DMD: variants seen among roughly 807,000 people sequenced by gnomAD.
DMD encodes the protein mutant dystrophin.
Under a neutral mutation model 330.1 loss-of-function variants are expected in DMD, and 63 were observed. The observed-to-expected ratio is 0.19, with a 90% CI of 0.16 to 0.24. The LOEUF (loss-of-function observed/expected upper bound fraction) is 0.24, where lower values mean the gene tolerates loss of function less well. DMD is among the 10% of genes least tolerant of loss of function. The probability of loss-of-function intolerance (pLI) is 1.00; values close to 1 mark genes in which losing one functional copy is unlikely to be tolerated. For missense variants in DMD, 3,344 were observed against 2,684.1 expected (o/e 1.25, Z -5.43); for synonymous variants, 1,223 against 959.8 (o/e 1.27, Z -5.07).
intron 7 of DMD, among the ~76,000 whole-genome samples, chrX:32,721,686 G>T (rs2066333215): frequency 9.0e-6 from 1 of 110,890 alleles, no homozygotes; most frequent in South Asian, 3.8e-4. Flanking sequence ...AAGCTTTTTA[G>T]ATTAATGTAG....
intron 55 of DMD, among the ~76,000 whole-genome samples, chrX:31,536,880 C>T (rs750117082): frequency 5.5e-4 from 61 of 111,628 alleles, no homozygotes; most frequent in African/African-American, 1.8e-3. Flanking sequence ...TTCTCATTGC[C>T]ATTTAAACAT....
At chrX:32,545,053 C>A in intron 17 of DMD, 106 bp downstream of exon 17, 1 of 775,833 alleles carries the variant, frequency 1.3e-6, no homozygotes, top group Non-Finnish European at 1.9e-6. Context: ...ATTACAGGTA[C>A]CCGAGGATTC....
At chrX:33,062,036 C>T (rs1368189273) in intron 1 of DMD, among the ~76,000 whole-genome samples, 1 of 112,285 alleles carries the variant, frequency 8.9e-6, no homozygotes, top group Non-Finnish European at 1.9e-5. Flanking sequence ...GATAGCAACT[C>T]TTCTCATAGA....
chrX:32,969,103 A>G, intron 2 of DMD, among the ~76,000 whole-genome samples: 1 of 105,511 alleles, frequency 9.5e-6, no homozygotes, highest in East Asian at 3.0e-4. Flanking sequence ...GGAATCATCA[A>G]CAAGATGAAC....
At chrX:31,474,756 A>AT (rs1459173599) in intron 59 of DMD, among the ~76,000 whole-genome samples, 1,636 of 99,266 alleles carry the variant, frequency 0.016, 36 homozygotes, top group East Asian at 0.082. Context: ...ATAAAATAAA[A>AT]AAAGAGAAAC....
intron 64 of DMD, among the ~76,000 whole-genome samples, chrX:31,222,475 G>C (rs2046208634): frequency 9.6e-6 from 1 of 104,059 alleles, no homozygotes. Context: ...AATGCACACA[G>C]ACCCTCAGAC....
At chrX:32,858,927 T>TCTCA (rs1030028972) in intron 2 of DMD, among the ~76,000 whole-genome samples, 1 of 111,175 alleles carries the variant, frequency 9.0e-6, no homozygotes, top group Non-Finnish European at 1.9e-5. Flanking sequence ...AACTCAGGTC[T>TCTCA]CTCACTCACT....
intron 18 of DMD, among the ~76,000 whole-genome samples, chrX:32,505,128 C>T (rs1435029923): frequency 9.0e-6 from 1 of 111,072 alleles, no homozygotes; most frequent in Non-Finnish European, 1.9e-5. Flanking sequence ...TTTTTAGATA[C>T]ACCACCAAAG....
intron 50 of DMD, among the ~76,000 whole-genome samples, chrX:31,801,580 T>C (rs1408545552): frequency 5.6e-4 from 36 of 64,637 alleles, no homozygotes; most frequent in Admixed American, 8.7e-4. Context: ...AGTGTCCTCA[T>C]CCCCCCCCCC....
intron 42 of DMD, among the ~76,000 whole-genome samples, chrX:32,307,877 A>C (rs1397369349): frequency 1.8e-5 from 2 of 111,206 alleles, no homozygotes; most frequent in Non-Finnish European, 3.8e-5. Flanking sequence ...ACTTCCAAAA[A>C]ATTGCAATTC....
At chrX:31,289,821 T>G (rs1006958315) in intron 62 of DMD, among the ~76,000 whole-genome samples, 1 of 110,675 alleles carries the variant, frequency 9.0e-6, no homozygotes, top group Admixed American at 9.6e-5. Flanking sequence ...AACTGCTAAT[T>G]TATTTTTTAG....
chrX:32,471,151 C>T (rs933079655), intron 22 of DMD, among the ~76,000 whole-genome samples: 9 of 110,545 alleles, frequency 8.1e-5, no homozygotes, highest in Non-Finnish European at 1.7e-4. Context: ...TGATGGCACG[C>T]ACTATAATCC....
chrX:32,316,818 C>T (rs1569557335), intron 41 of DMD, among the ~76,000 whole-genome samples: 2 of 110,491 alleles, frequency 1.8e-5, no homozygotes, highest in South Asian at 3.8e-4. Flanking sequence ...GCTATCTATT[C>T]CTTAAAAGTA....
intron 76 of DMD, among the ~76,000 whole-genome samples, chrX:31,140,749 T>TA (rs763631173): frequency 2.4e-4 from 22 of 92,415 alleles, no homozygotes; most frequent in African/African-American, 8.3e-4. Context: ...GCTTGATTTC[T>TA]AAAATATTAA....
intron 41 of DMD, among the ~76,000 whole-genome samples, chrX:32,316,566 G>A (rs2097583119): frequency 9.0e-6 from 1 of 111,175 alleles, no homozygotes; most frequent in Non-Finnish European, 1.9e-5. Context: ...GAAAACTAAG[G>A]GTTGATCCTG....
chrX:33,086,588 C>A (rs2095009691), intron 1 of DMD, among the ~76,000 whole-genome samples: 2 of 109,804 alleles, frequency 1.8e-5, no homozygotes, highest in African/African-American at 6.6e-5. Context: ...ATGTGAAAGG[C>A]CCCCTAAAGC....
intron 1 of DMD, among the ~76,000 whole-genome samples, chrX:33,033,270 A>G (rs1295523355): frequency 9.1e-6 from 1 of 110,331 alleles, no homozygotes; most frequent in East Asian, 2.8e-4. Flanking sequence ...CCACTGGATT[A>G]AAAAAGGTAT....
At chrX:33,284,955 T>A (rs947116330) in intron 1 of DMD, among the ~76,000 whole-genome samples, 1 of 109,268 alleles carries the variant, frequency 9.2e-6, no homozygotes, top group Non-Finnish European at 1.9e-5. Context: ...ATAAGGTCTT[T>A]AAAACAGTAC....
At chrX:33,100,449 T>C (rs976584143) in intron 1 of DMD, among the ~76,000 whole-genome samples, 1 of 111,381 alleles carries the variant, frequency 9.0e-6, no homozygotes, top group African/African-American at 3.3e-5. Context: ...CCCAGCACTT[T>C]GGGAGGCAGA....
Sources: allele counts gnomAD v4.1 joint callset (sites outside exome capture counted in the v4.1 genomes callset), GRCh38; gene constraint gnomAD v4.1.1; transcripts MANE v1.5; gene names NCBI Gene and HGNC (gene_info 2026-07-23, HGNC 2026-07-21).